SLC18A2: variants seen among roughly 807,000 people sequenced by gnomAD.
SLC18A2 encodes synaptic vesicular amine transporter.
Under a neutral mutation model 59.2 loss-of-function variants are expected in SLC18A2, and 33 were observed. The ratio of observed to expected loss-of-function variants is 0.56; its 90% CI spans 0.42 to 0.75. SLC18A2 has a LOEUF of 0.75. Ranked by LOEUF, SLC18A2 falls within the 30% of genes least tolerant of loss-of-function variation. SLC18A2 has a pLI of 0.00. For synonymous variants in SLC18A2, 228 were observed against 253.5 expected (o/e 0.90, Z 0.95); for missense variants, 569 against 668.6 (o/e 0.85, Z 1.64).
rs779480733 is a variant in SLC18A2 at position 117,267,711 on chromosome 10, G to A, written c.1161G>A (p.Pro387=). 6.4e-6 allele frequency: 10 copies of A among 1,564,478 alleles called. No individual in the cohort carries two copies. Among genetic ancestry groups the A allele is most frequent in the South Asian group, 5.8e-5 (5 of 86,770 alleles). ...FAKNIYGLIA[P]NFGVGFAIGM... is the part of the protein sequence containing the mutation. ...AAAACATTTATGGACTCATAGCTCC[G>A]AACTTTGGAGTTGGTTTTGCAATTG... Residue 387 remains proline (P), a synonymous_variant, in exon 13 of 16, where the codon CCG becomes CCA. Coordinates refer to ENST00000644641, the MANE Select transcript of SLC18A2 (RefSeq NM_003054.6).
intron 3 of SLC18A2, among the ~76,000 whole-genome samples, chr10:117,251,051 T>A (rs1312329469): frequency 6.6e-6 from 1 of 152,246 alleles, no homozygotes; most frequent in Non-Finnish European, 1.5e-5. Context: ...GGGATGTCCC[T>A]GCAGCCTGAA....
rs1429024051 is a variant in SLC18A2, at chr10:117,246,278, G to A, written c.464+1965G>A. On this transcript the variant is annotated intron_variant, in intron 3 of 15. Coordinates refer to ENST00000644641, the MANE Select transcript of SLC18A2 (RefSeq NM_003054.6). ...CGTACAGTGTAATACTTAGAAATTC[G>A]GCTGAAATGATGTGAGTACTCCAAT... is the stretch of plus-strand genomic sequence containing the variant. 6.6e-5 allele frequency among the ~76,000 whole-genome samples: 10 copies of A among 152,156 alleles called. No homozygotes were observed. The South Asian group carries it at 8.3e-4, about 13-fold the overall frequency.
At chr10:117,257,581 C>T (rs1844244422) in intron 9 of SLC18A2, among the ~76,000 whole-genome samples, 1 of 152,138 alleles carries the variant, frequency 6.6e-6, no homozygotes, top group South Asian at 2.1e-4. Flanking sequence ...CAAACTTTGT[C>T]TCTGGGATTC....
rs1191316737 is a variant in SLC18A2, at chr10:117,255,647, C to T, written c.885C>T (p.Leu295=). 5.6e-6 allele frequency: 9 copies of T among 1,613,388 alleles called. No homozygotes were observed. Among genetic ancestry groups the T allele is most frequent in the South Asian group, 1.1e-5 (1 of 91,086 alleles). Residue 295 remains leucine (L), a synonymous_variant, in exon 9 of 16, where the codon CTC becomes CTT. Coordinates refer to ENST00000644641, the MANE Select transcript of SLC18A2 (RefSeq NM_003054.6). ...LTTLLKDPYI[L]IAAGSICFAN... is the part of the protein sequence containing the mutation. ...CGCTGCTGAAGGACCCGTACATCCT[C>T]ATTGCTGCAGGTGGGGCTCTGTGGG...
intron 10 of SLC18A2, among the ~76,000 whole-genome samples, chr10:117,264,991 C>T (rs363225): frequency 0.45 from 67,977 of 152,072 alleles, 17,047 homozygotes; most frequent in Non-Finnish European, 0.56. Context: ...AAAACACTTG[C>T]GTCAGGACAA....
chr10:117,255,329 G>T lies in SLC18A2; in HGVS notation c.753G>T (p.Pro251=). Reference sequence around the variant, plus strand: ...ATGAGTTTGTGGGGAAGACGGCTCCGTTCCTGGTGCTGGCCGCCCTGGTAC... The same window carrying T: ...ATGAGTTTGTGGGGAAGACGGCTCCTTTCCTGGTGCTGGCCGCCCTGGTAC... ...VLYEFVGKTA[P]FLVLAALVLL... Residue 251 remains proline (P), a synonymous_variant, in exon 7 of 16, where the codon CCG becomes CCT. Transcript: ENST00000644641. The T allele has an allele frequency of 2.5e-6, 4 of 1,614,246 alleles. No homozygotes were observed. The highest frequency in any genetic ancestry group is 2.5e-6 in the Non-Finnish European group (3 of 1,180,050).
intron 11 of SLC18A2, 63 bp downstream of exon 11, chr10:117,266,874 A>T: frequency 2.5e-6 from 4 of 1,569,232 alleles, no homozygotes; most frequent in Non-Finnish European, 3.5e-6. Flanking sequence ...AAAAAATTCT[A>T]AGTTGTTTCT....
At chr10:117,248,494 C>G (rs1844132342) in intron 3 of SLC18A2, among the ~76,000 whole-genome samples, 1 of 152,156 alleles carries the variant, frequency 6.6e-6, no homozygotes, top group Non-Finnish European at 1.5e-5. Context: ...CCAAGAAAGC[C>G]TGAGGTTGCT....
Position 117,244,089 on chromosome 10 carries a change from C to G in SLC18A2, c.240C>G (p.Ser80=). ...SISDSFQSIF[S]YYDNSTMVTG... ...CAGACAGCTTCCAGAGCATCTTCTC[C>G]TATTATGATAACTCGACTATGGTCA... The change falls in exon 3 of 16, where the codon TCC becomes TCG. Residue 80 remains serine (S), a synonymous_variant. Coordinates refer to ENST00000644641, the MANE Select transcript of SLC18A2 (RefSeq NM_003054.6). The G allele has an allele frequency of 6.2e-7, 1 of 1,614,196 alleles. No individual in the cohort carries two copies. Among genetic ancestry groups the G allele is most frequent in the Non-Finnish European group, 8.5e-7 (1 of 1,180,042 alleles).
At chr10:117,255,129 A>T (rs989545000) in intron 6 of SLC18A2, 148 bp from the exon 7 acceptor site, 4 of 706,994 alleles carry the variant, frequency 5.7e-6, no homozygotes, top group African/African-American at 5.4e-5. Flanking sequence ...AGACAACTGA[A>T]CTCTAACCGA....
intron 10 of SLC18A2, among the ~76,000 whole-genome samples, chr10:117,261,160 C>A (rs1361998810): frequency 6.6e-6 from 1 of 151,796 alleles, no homozygotes; most frequent in Non-Finnish European, 1.5e-5. Context: ...GAGTTTGAGA[C>A]CAGGAGTTCA....
chr10:117,244,456 C>T (rs1027815290), intron 3 of SLC18A2, 143 bp downstream of exon 3: 6 of 690,554 alleles, frequency 8.7e-6, no homozygotes. Context: ...GTCCCCTTCC[C>T]CTATGTCTCT....
At chr10:117,272,736 C>T (rs922458953) in intron 15 of SLC18A2, among the ~76,000 whole-genome samples, 2 of 152,186 alleles carry the variant, frequency 1.3e-5, no homozygotes, top group Non-Finnish European at 2.9e-5. Flanking sequence ...CGCTGCCCAT[C>T]AATGATGCCC....
chr10:117,241,625 G>A, intron 1 of SLC18A2, 54 bp from the exon 2 acceptor site: 2 of 1,486,238 alleles, frequency 1.3e-6, no homozygotes, highest in South Asian at 1.3e-5. Flanking sequence ...TGGGGGACGG[G>A]AGAATGGGGG....
In SLC18A2 at chr10:117,270,473, A is replaced by T. The variant is rs774037579; in HGVS notation, c.1440+10A>T. ...CAAAGAAGAAAAAATGGTAAGAAAAATTTAGGATGCAGTGAGCATTTCTTG... is the reference window on the plus strand; with the variant it reads ...CAAAGAAGAAAAAATGGTAAGAAAATTTTAGGATGCAGTGAGCATTTCTTG... On this transcript the variant is annotated intron_variant, in intron 15 of 15. Coordinates refer to ENST00000644641, the MANE Select transcript of SLC18A2 (RefSeq NM_003054.6). 5 of 1,613,206 alleles carry T rather than the reference A, an allele frequency of 3.1e-6. No homozygotes were observed. The highest frequency in any genetic ancestry group is 1.7e-5 in the Admixed American group (1 of 59,904).
rs112047572 is a variant in SLC18A2, at chr10:117,261,385, G to A, written c.991+3493G>A. 2.3e-4 allele frequency among the ~76,000 whole-genome samples: 35 copies of A among 152,124 alleles called. 1 individual carries two copies. The highest frequency in any genetic ancestry group is 8.2e-4 in the African/African-American group (34 of 41,424). ...TGCAATGGCGCGATCTTGGCTGACC[G>A]CAATCTCTGCCTCCTGGGTTCAAGC... On this transcript the variant is annotated intron_variant, in intron 10 of 15. Transcript: ENST00000644641.
At position 117,244,302 on chromosome 10, in the gene SLC18A2, A is replaced by G. The variant is rs748623741; in HGVS notation, c.453A>G (p.Leu151=). The change falls in exon 3 of 16, where the codon CTA becomes CTG. Residue 151 remains leucine (L), a synonymous_variant. Coordinates refer to ENST00000644641, the MANE Select transcript of SLC18A2 (RefSeq NM_003054.6). ...TCATCACCAACCCTTTCATAGGACT[A>G]CTGACCAACAGGTAGGGCAGACTAC... ...VQLITNPFIG[L]LTNRIGYPIP... 5.0e-6 allele frequency: 8 copies of G among 1,613,516 alleles called. No homozygotes were observed. In the Admixed American group the frequency reaches 6.7e-5, roughly 13 times the overall value.
Position 117,273,375 on chromosome 10 carries a change from A to G in SLC18A2, c.1440+2912A>G, listed in dbSNP as rs113884514. On this transcript the variant is annotated intron_variant, in intron 15 of 15. Coordinates refer to ENST00000644641, the MANE Select transcript of SLC18A2 (RefSeq NM_003054.6). Reference sequence around the variant, plus strand: ...CCAGTTGAGAAGAGCTGTGTTGCGGATTTTTTTTTCCAGGTTGAAGAATTA... The same window carrying G: ...CCAGTTGAGAAGAGCTGTGTTGCGGGTTTTTTTTTCCAGGTTGAAGAATTA... Among the ~76,000 whole-genome samples, 735 of 151,884 alleles carry G rather than the reference A, an allele frequency of 4.8e-3. 11 individuals carry two copies. Among genetic ancestry groups the G allele is most frequent in the African/African-American group, 0.017 (707 of 41,432 alleles).
chr10:117,276,300 G>C (rs1054015080), intron 15 of SLC18A2, among the ~76,000 whole-genome samples: 18 of 151,862 alleles, frequency 1.2e-4, no homozygotes, highest in African/African-American at 3.9e-4. Context: ...ACAAAAGATT[G>C]TAAGGGCAGC....
Sources: gnomAD v4.1 joint callset for allele counts (sites outside exome capture counted in the v4.1 genomes callset) on GRCh38, gnomAD v4.1.1 for gene constraint, MANE v1.5 for transcripts, NCBI Gene and HGNC (gene_info 2026-07-23, HGNC 2026-07-21) for gene names.